The following CDK14 variants were observed in gnomAD, a reference collection of about 807,000 sequenced individuals.
CDK14 encodes the protein cyclin dependent kinase 14, also known as cyclin-dependent kinase 14.
CDK14 carries 34 observed loss-of-function variants against 60.7 expected under a neutral mutation model. That is an observed-to-expected ratio of 0.56 (90% CI 0.43 to 0.75). The LOEUF (loss-of-function observed/expected upper bound fraction) is 0.75, where lower values mean the gene tolerates loss of function less well. Ranked by LOEUF, CDK14 falls within the 30% of genes least tolerant of loss-of-function variation. The pLI is 0.00. For missense variants in CDK14, 482 were observed against 564.1 expected (o/e 0.85, Z 1.47); for synonymous variants, 197 against 203.7 (o/e 0.97, Z 0.28).
intron 5 of CDK14, among the ~76,000 whole-genome samples, chr7:90,794,198 C>T (rs1228194224): frequency 6.6e-6 from 1 of 152,032 alleles, no homozygotes; most frequent in Non-Finnish European, 1.5e-5. Flanking sequence ...AGATCACATG[C>T]TTCACAAGGT....
At chr7:90,952,214 T>G (rs1450779702) in intron 8 of CDK14, among the ~76,000 whole-genome samples, 1 of 152,152 alleles carries the variant, frequency 6.6e-6, no homozygotes, top group Non-Finnish European at 1.5e-5. Flanking sequence ...TGTTTGGTGC[T>G]GAATGGCTGG....
chr7:90,754,279 G>A (rs1197183948), intron 4 of CDK14, among the ~76,000 whole-genome samples: 2 of 152,128 alleles, frequency 1.3e-5, no homozygotes, highest in Non-Finnish European at 2.9e-5. Flanking sequence ...TACAAAAATA[G>A]ACACATAGAC....
intron 2 of CDK14, among the ~76,000 whole-genome samples, chr7:90,724,101 C>T (rs1030628326): frequency 1.3e-5 from 2 of 150,778 alleles, no homozygotes; most frequent in South Asian, 2.1e-4. Flanking sequence ...ACCACAAATT[C>T]AATTCCTGTC....
At chr7:91,119,050 T>C (rs2518786) in intron 14 of CDK14, among the ~76,000 whole-genome samples, 2 of 150,566 alleles carry the variant, frequency 1.3e-5, no homozygotes, top group Non-Finnish European at 2.9e-5. Flanking sequence ...TATATATACA[T>C]ACATACATAT....
In CDK14 at chr7:90,737,100, A is replaced by C. The variant is rs1167474668; in HGVS notation, c.369+10288A>C. Among the ~76,000 whole-genome samples, 7 of 152,274 alleles carry C rather than the reference A, an allele frequency of 4.6e-5. No homozygotes were observed. In the East Asian group the frequency reaches 1.4e-3, roughly 29 times the overall value. ...TAGGACTAGTTCCTGTGTGGTGTTT[A>C]ATACCGTCACTGATGTGACAAACCT... On this transcript the variant is annotated intron_variant, in intron 3 of 14. Coordinates refer to ENST00000380050, the MANE Select transcript of CDK14 (RefSeq NM_001287135.2).
At chr7:90,709,304 A>C in intron 2 of CDK14, 3 of 769,054 alleles carry the variant, frequency 3.9e-6, no homozygotes, top group Non-Finnish European at 5.6e-6. Context: ...GGCCTTCTAT[A>C]GGATCCCAGA....
At chr7:91,126,952 A>C (rs560426770) in intron 14 of CDK14, among the ~76,000 whole-genome samples, 1 of 152,100 alleles carries the variant, frequency 6.6e-6, no homozygotes, top group African/African-American at 2.4e-5. Context: ...GCAGGTCAAA[A>C]AGGCTAGTTA....
intron 2 of CDK14, among the ~76,000 whole-genome samples, chr7:90,671,528 A>G (rs2116533633): frequency 6.6e-6 from 1 of 152,324 alleles, no homozygotes; most frequent in South Asian, 2.1e-4. Flanking sequence ...TATATAGGAC[A>G]GCACAGAAGG....
At chr7:90,892,838 G>A (rs1792177638) in intron 6 of CDK14, among the ~76,000 whole-genome samples, 1 of 152,198 alleles carries the variant, frequency 6.6e-6, no homozygotes. Context: ...GGGTGCAGTG[G>A]CACGATCTTG....
chr7:90,665,077 C>T (rs550898756), intron 2 of CDK14, among the ~76,000 whole-genome samples: 104 of 151,904 alleles, frequency 6.8e-4, no homozygotes, highest in Middle Eastern at 3.4e-3. Flanking sequence ...GTCAGGAGTT[C>T]GAGACCAGCC....
At chr7:91,024,435 C>T (rs939522301) in intron 10 of CDK14, among the ~76,000 whole-genome samples, 1 of 152,088 alleles carries the variant, frequency 6.6e-6, no homozygotes, top group Non-Finnish European at 1.5e-5. Flanking sequence ...GGCATATCAT[C>T]GAGGCCAGGA....
At chr7:90,721,534 G>T (rs1185332047) in intron 2 of CDK14, among the ~76,000 whole-genome samples, 2 of 152,136 alleles carry the variant, frequency 1.3e-5, no homozygotes, top group South Asian at 2.1e-4. Flanking sequence ...CACGATCCCT[G>T]ACATTTTTGA....
chr7:90,790,108 T>TG (rs1239115116), intron 4 of CDK14, among the ~76,000 whole-genome samples: 1 of 151,370 alleles, frequency 6.6e-6, no homozygotes, highest in Admixed American at 6.6e-5. Context: ...TTCCTTTTTT[T>TG]TTTTTGAGAG....
chr7:91,135,406 G>A lies in CDK14; in HGVS notation c.*28+17198G>A, dbSNP rs796942132. 2.4e-4 allele frequency among the ~76,000 whole-genome samples: 37 copies of A among 152,292 alleles called. 2 individuals carry two copies. The highest frequency in any genetic ancestry group is 8.2e-4 in the African/African-American group (34 of 41,564). ...GAGGCAGTGGCAGGACCAGGCATCT[G>A]ACTGTCAGAGCTGTGAAAGATATTG... On this transcript the variant is annotated intron_variant, in intron 14 of 14. Transcript: ENST00000380050.
chr7:91,071,945 C>G (rs530975772), intron 11 of CDK14, among the ~76,000 whole-genome samples: 1 of 152,334 alleles, frequency 6.6e-6, no homozygotes, highest in East Asian at 1.9e-4. Context: ...CATCTTTTCT[C>G]ATGGGGACGG....
At chr7:90,669,245 C>T (rs1308322281) in intron 2 of CDK14, among the ~76,000 whole-genome samples, 1 of 152,112 alleles carries the variant, frequency 6.6e-6, no homozygotes, top group Non-Finnish European at 1.5e-5. Context: ...TAATTACATT[C>T]AATTAAGCAA....
intron 2 of CDK14, chr7:90,710,449 A>C (rs902296722): frequency 3.0e-6 from 3 of 985,020 alleles, no homozygotes; most frequent in Non-Finnish European, 3.6e-6. Flanking sequence ...ATCTGAGTAG[A>C]ATAAATATCT....
At chr7:90,758,801 A>G (rs537999517) in intron 4 of CDK14, among the ~76,000 whole-genome samples, 3 of 152,352 alleles carry the variant, frequency 2.0e-5, no homozygotes, top group South Asian at 2.1e-4. Context: ...CGTGCCTGCT[A>G]TCCCAGCACT....
chr7:90,856,975 C>T (rs1790838700), intron 5 of CDK14, among the ~76,000 whole-genome samples: 1 of 152,028 alleles, frequency 6.6e-6, no homozygotes, highest in African/African-American at 2.4e-5. Context: ...CTTTTTTCTC[C>T]CAGAGACTAA....
Sources: gnomAD v4.1 joint callset for allele counts (sites outside exome capture counted in the v4.1 genomes callset) on GRCh38, gnomAD v4.1.1 for gene constraint, MANE v1.5 for transcripts, NCBI Gene and HGNC (gene_info 2026-07-23, HGNC 2026-07-21) for gene names.